Variants in STX8 observed in about 807,000 individuals in gnomAD.
The protein encoded by STX8 is syntaxin 8.
Under a neutral mutation model 37.5 loss-of-function variants are expected in STX8, and 23 were observed. The observed-to-expected ratio is 0.61, with a 90% confidence interval of 0.44 to 0.87. The LOEUF (loss-of-function observed/expected upper bound fraction) is 0.87. Among genes scored for constraint, STX8 ranks in the 40% least tolerant of loss-of-function variants. The pLI is 0.00. For missense variants in STX8, 313 were observed against 284.7 expected (o/e 1.10, Z -0.71); for synonymous variants, 115 against 99.1 (o/e 1.16, Z -0.95).
intron 7 of STX8, among the ~76,000 whole-genome samples, chr17:9,258,539 G>A (rs8075344): frequency 1.6e-4 from 25 of 152,326 alleles, no homozygotes; most frequent in Middle Eastern, 3.4e-3. Context: ...CTGCGCCAGG[G>A]GAAACCAGGC....
chr17:9,432,577 T>G (rs1173111917), intron 6 of STX8, among the ~76,000 whole-genome samples: 1 of 152,170 alleles, frequency 6.6e-6, no homozygotes, highest in Non-Finnish European at 1.5e-5. Flanking sequence ...GAGGAAGCAA[T>G]TTTAAATGCA....
At chr17:9,384,608 C>G (rs1911925506) in intron 6 of STX8, among the ~76,000 whole-genome samples, 1 of 152,048 alleles carries the variant, frequency 6.6e-6, no homozygotes, top group South Asian at 2.1e-4. Flanking sequence ...CCACTGCACT[C>G]CAGCCTGAGC....
intron 6 of STX8, among the ~76,000 whole-genome samples, chr17:9,391,671 GA>G (rs11415026): frequency 2.7e-4 from 33 of 122,354 alleles, no homozygotes; most frequent in East Asian, 1.4e-3. Flanking sequence ...AAAGATGAGG[GA>G]AAAAAAAAAG....
At chr17:9,481,732 G>A (rs890350551) in intron 6 of STX8, among the ~76,000 whole-genome samples, 36 of 152,196 alleles carry the variant, frequency 2.4e-4, no homozygotes, top group African/African-American at 8.2e-4. Context: ...GACGTGAGCA[G>A]CAGGCAAGTG....
At position 9,426,735 on chromosome 17, in the gene STX8, C is replaced by T. The variant is rs56953338; in HGVS notation, c.542-48082G>A. On this transcript the variant is annotated intron_variant, in intron 6 of 7. Transcript: ENST00000306357. ...TATGGTTGAACCACTGCACTCCAGCCTGGGTGACAGTGCGAGACTGTCTCA... is the reference window on the plus strand; with the variant it reads ...TATGGTTGAACCACTGCACTCCAGCTTGGGTGACAGTGCGAGACTGTCTCA... Among the ~76,000 whole-genome samples the T allele has an allele frequency of 4.6e-3, 693 of 152,156 alleles. 8 individuals carry two copies. Among genetic ancestry groups the T allele is most frequent in the African/African-American group, 0.016 (649 of 41,510 alleles).
intron 7 of STX8, among the ~76,000 whole-genome samples, chr17:9,288,183 GAA>G (rs549489976): frequency 1.2e-5 from 1 of 84,898 alleles, no homozygotes; most frequent in Non-Finnish European, 2.3e-5. Flanking sequence ...CCTTCCCCCT[GAA>G]AAAAAAAAAA....
At chr17:9,491,099 T>C (rs1337858443) in intron 6 of STX8, among the ~76,000 whole-genome samples, 2 of 152,178 alleles carry the variant, frequency 1.3e-5, no homozygotes, top group Non-Finnish European at 2.9e-5. Context: ...TGAGCTCTGG[T>C]ACCCTGTCTC....
At chr17:9,254,236 G>T (rs1277567117) in intron 7 of STX8, among the ~76,000 whole-genome samples, 1 of 152,110 alleles carries the variant, frequency 6.6e-6, no homozygotes, top group African/African-American at 2.4e-5. Flanking sequence ...GAAGGTAGGG[G>T]CCCTGCCTCC....
chr17:9,493,553 C>T (rs1296098664), intron 5 of STX8, among the ~76,000 whole-genome samples: 1 of 152,192 alleles, frequency 6.6e-6, no homozygotes, highest in African/African-American at 2.4e-5. Flanking sequence ...TCCCAGAGGG[C>T]AGATCTCCAG....
chr17:9,456,200 A>T lies in STX8; in HGVS notation c.541+35629T>A, dbSNP rs115083570. On this transcript the variant is annotated intron_variant, in intron 6 of 7. Transcript: ENST00000306357. ...TTCCCACGGAAATGAATTACTTTTT[A>T]AAAAAACCCATTTGCTGGTGAAAGG... is the stretch of plus-strand genomic sequence containing the variant. Among the ~76,000 whole-genome samples, 508 of 152,222 alleles carry T rather than the reference A, an allele frequency of 3.3e-3. 3 individuals carry two copies. Among genetic ancestry groups the T allele is most frequent in the African/African-American group, 0.012 (478 of 41,524 alleles).
At chr17:9,338,300 T>C (rs12942713) in intron 7 of STX8, among the ~76,000 whole-genome samples, 22,780 of 151,862 alleles carry the variant, frequency 0.15, 1,917 homozygotes, top group African/African-American at 0.21. Flanking sequence ...GTGATCCGCC[T>C]ACATCAGCCT....
intron 6 of STX8, among the ~76,000 whole-genome samples, chr17:9,422,033 T>C (rs916655103): frequency 2.6e-5 from 4 of 152,064 alleles, no homozygotes; most frequent in African/African-American, 9.7e-5. Flanking sequence ...GAGCCATGCT[T>C]CCTGTAGAGC....
chr17:9,263,470 A>C (rs1907120186), intron 7 of STX8, among the ~76,000 whole-genome samples: 1 of 151,964 alleles, frequency 6.6e-6, no homozygotes, highest in African/African-American at 2.4e-5. Flanking sequence ...CAAGAATGAA[A>C]CTCCGTCTCA....
At chr17:9,403,784 G>C (rs2315140) in intron 6 of STX8, among the ~76,000 whole-genome samples, 88,610 of 151,742 alleles carry the variant, frequency 0.58, 26,593 homozygotes, top group East Asian at 0.78. Context: ...CTAGCTGGGA[G>C]TACAGGAGTC....
intron 7 of STX8, among the ~76,000 whole-genome samples, chr17:9,363,588 T>C (rs1437328432): frequency 6.6e-6 from 1 of 152,194 alleles, no homozygotes; most frequent in Non-Finnish European, 1.5e-5. Flanking sequence ...GATGAATTAA[T>C]TGGTAAGCAA....
chr17:9,345,285 G>T (rs999974831), intron 7 of STX8, among the ~76,000 whole-genome samples: 1 of 152,072 alleles, frequency 6.6e-6, no homozygotes, highest in African/African-American at 2.4e-5. Context: ...CAGTAGCTGG[G>T]ATTACAAGCA....
intron 4 of STX8, among the ~76,000 whole-genome samples, chr17:9,506,060 T>C (rs576017818): frequency 6.6e-6 from 1 of 152,134 alleles, no homozygotes; most frequent in Non-Finnish European, 1.5e-5. Context: ...ACATTCTGAT[T>C]TGTCAATCTT....
At chr17:9,509,031 G>A (rs538092630) in intron 4 of STX8, among the ~76,000 whole-genome samples, 12 of 152,272 alleles carry the variant, frequency 7.9e-5, no homozygotes, top group East Asian at 5.8e-4. Flanking sequence ...GGCAGATCAC[G>A]ATGTCAGGAG....
chr17:9,470,926 G>T (rs1183398569), intron 6 of STX8, among the ~76,000 whole-genome samples: 1 of 151,004 alleles, frequency 6.6e-6, no homozygotes, highest in Non-Finnish European at 1.5e-5. Flanking sequence ...GTAGAGATGG[G>T]GTTTCACTGT....
Sources: allele counts gnomAD v4.1 joint callset (sites outside exome capture counted in the v4.1 genomes callset), GRCh38; gene constraint gnomAD v4.1.1; transcripts MANE v1.5; gene names NCBI Gene and HGNC (gene_info 2026-07-23, HGNC 2026-07-21).